The following TNRC6B variants were observed in gnomAD, a reference collection of about 807,000 sequenced individuals.
TNRC6B encodes the protein trinucleotide repeat containing adaptor 6B.
Under a neutral mutation model 203.6 loss-of-function variants are expected in TNRC6B, and 52 were observed. The observed-to-expected ratio is 0.26, with a 90% CI of 0.20 to 0.32. The LOEUF (loss-of-function observed/expected upper bound fraction) is 0.32, where lower values mean the gene tolerates loss of function less well. Among genes scored for constraint, TNRC6B ranks in the 10% least tolerant of loss-of-function variants. The pLI, the probability that TNRC6B is intolerant of heterozygous loss-of-function variation, is 1.00. For missense variants in TNRC6B, 1,923 were observed against 2,286.2 expected (o/e 0.84, Z 3.24); for synonymous variants, 838 against 845.7 (o/e 0.99, Z 0.16).
chr22:40,331,934 C>T lies in TNRC6B; in HGVS notation c.*8693C>T. 3.5e-6 allele frequency: 1 copy of T among 287,236 alleles called. No individual in the cohort carries two copies. The highest frequency in any genetic ancestry group is 6.5e-6 in the Non-Finnish European group (1 of 154,766). The allele number at this position is 287,236 out of a possible 1,614,324, so 17.8% of individuals were successfully genotyped here. A position where few individuals can be genotyped will look rare whatever the true frequency, so the allele number is the denominator to read the frequency against. ...CCACTGTTGCTGGCAGGTCTGATGG[C>T]CAGGTAAATTCCAGGGGGCCTGCAG... is the stretch of plus-strand genomic sequence containing the variant. On this transcript the variant is annotated 3_prime_UTR_variant, in exon 23 of 23. Transcript: ENST00000454349.
intron 5 of TNRC6B, among the ~76,000 whole-genome samples, chr22:40,268,912 C>CAAAAAAAAAAAAAA (rs1045950958): frequency 6.7e-6 from 1 of 148,922 alleles, no homozygotes; most frequent in African/African-American, 2.5e-5. Context: ...GACTCCGTCT[C>CAAAAAAAAAAAAAA]AAAAAATAAT....
At chr22:40,238,366 T>C (rs948071609) in intron 1 of TNRC6B, among the ~76,000 whole-genome samples, 1 of 152,154 alleles carries the variant, frequency 6.6e-6, no homozygotes, top group African/African-American at 2.4e-5. Context: ...AAGTTTTGCA[T>C]TTAGGTGCTT....
chr22:40,047,264 A>G (rs1254589819), intron 1 of TNRC6B, among the ~76,000 whole-genome samples: 3 of 152,104 alleles, frequency 2.0e-5, no homozygotes, highest in South Asian at 2.1e-4. Flanking sequence ...AGGAATAGAA[A>G]AGGAGAATAC....
rs775401606 is a variant in TNRC6B, at chr22:40,264,971, T to C, written c.741T>C (p.Ser247=). The C allele has an allele frequency of 6.2e-7, 1 of 1,613,848 alleles. No homozygotes were observed. Among genetic ancestry groups the C allele is most frequent in the South Asian group, 1.1e-5 (1 of 91,080 alleles). Residue 247 remains serine (S), a synonymous_variant, in exon 5 of 23, where the codon TCT becomes TCC. Transcript: ENST00000454349. ...SNKGKGSQCQ[S]ASSGNECNLG... is the part of the protein sequence containing the mutation. ...AAGGAAAAGGGAGCCAGTGCCAGTC[T>C]GCAAGTTCTGGGAACGAATGTAATC...
intron 1 of TNRC6B, among the ~76,000 whole-genome samples, chr22:40,229,190 G>A (rs1371977500): frequency 1.3e-5 from 2 of 152,200 alleles, no homozygotes; most frequent in Non-Finnish European, 2.9e-5. Flanking sequence ...AAAGGTAACA[G>A]CTCTAAAAAT....
intron 3 of TNRC6B, 37 bp downstream of exon 3, chr22:40,251,237 C>A (rs2070188159): frequency 6.7e-7 from 1 of 1,488,648 alleles, no homozygotes. Flanking sequence ...TATTTAGAAC[C>A]TTTTGTGTTT....
At chr22:40,113,657 T>G (rs1383594550) in intron 1 of TNRC6B, among the ~76,000 whole-genome samples, 2 of 152,202 alleles carry the variant, frequency 1.3e-5, no homozygotes, top group African/African-American at 4.8e-5. Flanking sequence ...ACACGTGGCC[T>G]CCTTAAACTT....
chr22:40,146,764 C>T (rs528556569), intron 3 of TNRC6B, among the ~76,000 whole-genome samples: 4 of 151,994 alleles, frequency 2.6e-5, no homozygotes, highest in African/African-American at 9.7e-5. Flanking sequence ...AGGGTTTCGC[C>T]ATGTTGGCTA....
intron 3 of TNRC6B, among the ~76,000 whole-genome samples, chr22:40,133,361 T>A (rs1044513051): frequency 2.6e-5 from 4 of 152,048 alleles, no homozygotes; most frequent in African/African-American, 9.7e-5. Flanking sequence ...CAACAAACAT[T>A]TATTGGGCAC....
chr22:40,218,324 C>CTT (rs71199275), intron 1 of TNRC6B, among the ~76,000 whole-genome samples: 24,612 of 97,306 alleles, frequency 0.25, 4,345 homozygotes, highest in East Asian at 0.57. Flanking sequence ...TTTTTCTTTT[C>CTT]TTTTTTTTTT....
At position 40,327,084 on chromosome 22, in the gene TNRC6B, T is replaced by G. The variant is rs1192878403; in HGVS notation, c.*3843T>G. On this transcript the variant is annotated 3_prime_UTR_variant, in exon 23 of 23. Transcript: ENST00000454349. The stretch of plus-strand genomic sequence containing the variant: ...AGAATTCCCAAGCATGACCACAGCT[T>G]CTTTTAAACATTAAGCTTCCCAGTG... 2 of 152,816 alleles carry G rather than the reference T, an allele frequency of 1.3e-5. No homozygotes were observed. The highest frequency in any genetic ancestry group is 1.5e-5 in the Non-Finnish European group (1 of 68,052). 9.5% of individuals were successfully genotyped at this position (152,816 alleles called of 1,614,324 possible). A position where few individuals can be genotyped will look rare whatever the true frequency, so the allele number is the denominator to read the frequency against.
chr22:40,319,657 C>T (rs1250023168), intron 21 of TNRC6B, among the ~76,000 whole-genome samples: 2 of 152,094 alleles, frequency 1.3e-5, no homozygotes, highest in Non-Finnish European at 2.9e-5. Flanking sequence ...ATCTCCTGAC[C>T]TCGTGATCTG....
At chr22:40,065,151 AT>A (rs929684205) in intron 1 of TNRC6B, among the ~76,000 whole-genome samples, 6 of 151,660 alleles carry the variant, frequency 4.0e-5, no homozygotes, top group Non-Finnish European at 7.4e-5. Context: ...ATTGATATTA[AT>A]TTTTCTTTAA....
chr22:40,236,156 G>C (rs2069944741), intron 1 of TNRC6B, among the ~76,000 whole-genome samples: 1 of 152,094 alleles, frequency 6.6e-6, no homozygotes, highest in Non-Finnish European at 1.5e-5. Flanking sequence ...TATGTGTTTA[G>C]TTCTATACAA....
chr22:40,313,073 T>A (rs1174014979), intron 19 of TNRC6B, 76 bp downstream of exon 19: 1 of 1,156,142 alleles, frequency 8.6e-7, no homozygotes, highest in African/African-American at 1.5e-5. Context: ...GAAACTGGCA[T>A]GTATTTCATA....
intron 1 of TNRC6B, among the ~76,000 whole-genome samples, chr22:40,068,600 G>C (rs2067918034): frequency 6.6e-6 from 1 of 152,010 alleles, no homozygotes; most frequent in Non-Finnish European, 1.5e-5. Flanking sequence ...TTACAGGCGT[G>C]AGCCACCGCG....
At chr22:40,107,652 C>T (rs1358273565) in intron 1 of TNRC6B, among the ~76,000 whole-genome samples, 1 of 152,058 alleles carries the variant, frequency 6.6e-6, no homozygotes, top group African/African-American at 2.4e-5. Flanking sequence ...TTTAAGCTCG[C>T]TACATAAAAT....
intron 1 of TNRC6B, among the ~76,000 whole-genome samples, chr22:40,101,788 T>C (rs1259751873): frequency 1.3e-5 from 2 of 152,184 alleles, no homozygotes; most frequent in Non-Finnish European, 2.9e-5. Flanking sequence ...ATTTCCCAGT[T>C]CAAGAATCTG....
At chr22:40,149,202 C>T (rs147344618) in intron 3 of TNRC6B, among the ~76,000 whole-genome samples, 16 of 152,324 alleles carry the variant, frequency 1.1e-4, no homozygotes, top group Non-Finnish European at 1.3e-4. Context: ...ACTATTGACA[C>T]TTGAAACCAC....
Sources: gnomAD v4.1 joint callset for allele counts (sites outside exome capture counted in the v4.1 genomes callset) on GRCh38, gnomAD v4.1.1 for gene constraint, MANE v1.5 for transcripts, NCBI Gene and HGNC (gene_info 2026-07-23, HGNC 2026-07-21) for gene names.